Variants in BICRA observed in about 807,000 individuals in gnomAD.
The protein encoded by BICRA is BRD4-interacting chromatin-remodeling complex-associated protein.
Under a neutral mutation model 96.9 loss-of-function variants are expected in BICRA, and 31 were observed. The ratio of observed to expected loss-of-function variants is 0.32; its 90% CI spans 0.24 to 0.43. The LOEUF is 0.43. Among genes scored for constraint, BICRA ranks in the 20% least tolerant of loss-of-function variants. The probability of loss-of-function intolerance (pLI) is 1.00; values close to 1 mark genes in which losing one functional copy is unlikely to be tolerated. For missense variants in BICRA, 2,283 were observed against 2,190.3 expected, an observed-to-expected ratio of 1.04 and a Z score of -0.84; for synonymous variants, 1,350 against 1,071.8, an observed-to-expected ratio of 1.26 and a Z score of -5.07.
chr19:47,676,643 G>A (rs1384139803), intron 5 of BICRA, among the ~76,000 whole-genome samples: 3 of 141,140 alleles, frequency 2.1e-5, no homozygotes, highest in East Asian at 2.2e-4. Context: ...ATCAGAACAC[G>A]CATTCACCAA....
chr19:47,697,678 A>T (rs1469509356), intron 11 of BICRA, among the ~76,000 whole-genome samples: 1 of 151,770 alleles, frequency 6.6e-6, no homozygotes, highest in Non-Finnish European at 1.5e-5. Flanking sequence ...GGGTTTCATT[A>T]TGTTGGCCAG....
chr19:47,682,587 T>G (rs1296842770), intron 7 of BICRA, among the ~76,000 whole-genome samples: 1 of 152,068 alleles, frequency 6.6e-6, no homozygotes, highest in Non-Finnish European at 1.5e-5. Flanking sequence ...CCTTCAATTT[T>G]TACAAAAAGG....
chr19:47,658,322 TG>T (rs2123557786), intron 1 of BICRA, among the ~76,000 whole-genome samples: 1 of 152,224 alleles, frequency 6.6e-6, no homozygotes, highest in African/African-American at 2.4e-5. Flanking sequence ...GTCAGGGGCC[TG>T]GACCTTGACC....
In BICRA at chr19:47,694,187, G is replaced by A; in HGVS notation, c.2356G>A (p.Gly786Arg). 6.7e-7 allele frequency: 1 copy of A among 1,499,418 alleles called. No individual in the cohort carries two copies. Among genetic ancestry groups the A allele is most frequent in the East Asian group, 2.5e-5 (1 of 40,082 alleles). 92.9% of individuals were successfully genotyped at this position (1,499,418 alleles called of 1,614,324 possible). A position where few individuals can be genotyped will look rare whatever the true frequency, so the allele number is the denominator to read the frequency against. Reference protein sequence around the residue: ...SPSLPHQAPLGDSPHLPSPHP... With the variant: ...SPSLPHQAPLRDSPHLPSPHP... The stretch of plus-strand genomic sequence containing the variant: ...GTCACTACCTCACCAGGCCCCTCTG[G>A]GGGACAGCCCCCACCTGCCCTCCCC... Residue 786 changes from glycine to arginine, a missense_variant, in exon 8 of 15, where the codon GGG (glycine) becomes AGG (arginine). Transcript: ENST00000594866.
At chr19:47,643,748 A>G (rs1470605295) in intron 1 of BICRA, among the ~76,000 whole-genome samples, 3 of 152,184 alleles carry the variant, frequency 2.0e-5, no homozygotes, top group African/African-American at 4.8e-5. Context: ...CTCTGGACTC[A>G]CGAAATCCTG....
At position 47,701,871 on chromosome 19, in the gene BICRA, C is replaced by T; in HGVS notation, c.4139C>T (p.Pro1380Leu). The change falls in exon 15 of 15, where the codon CCG (proline) becomes CTG (leucine). Residue 1380 changes from proline (P) to leucine (L), a missense_variant. Transcript: ENST00000594866. The surrounding 1 kb of genome is among the most constrained non-coding windows in gnomAD (Gnocchi z 5.4). ...GAGCGCAAGCCCCTGGGCACCGCCCCGCACTGCCCGCGCCTGCCACTGCGC... is the reference window on the plus strand; with the variant it reads ...GAGCGCAAGCCCCTGGGCACCGCCCTGCACTGCCCGCGCCTGCCACTGCGC... ...APERKPLGTA[P>L]HCPRLPLRKT... is the part of the protein sequence containing the mutation. The T allele has an allele frequency of 6.8e-7, 1 of 1,478,824 alleles. No individual in the cohort carries two copies. The highest frequency in any genetic ancestry group is 8.9e-7 in the Non-Finnish European group (1 of 1,120,610). 91.6% of individuals were successfully genotyped at this position (1,478,824 alleles called of 1,614,324 possible).
chr19:47,682,219 C>T lies in BICRA; in HGVS notation c.2283+67C>T, dbSNP rs564300585. ...GCCTCGCCCCTCCTGCCCGCTCTCC[C>T]GCTCCTCGCTCTCCGCCCTGCCTGC... On this transcript the variant is annotated intron_variant, in intron 7 of 14. Coordinates refer to ENST00000594866, the MANE Select transcript of BICRA (RefSeq NM_001394372.1). 59 of 669,024 alleles carry T rather than the reference C, an allele frequency of 8.8e-5. No homozygotes were observed. In the Middle Eastern group the frequency reaches 1.3e-3, roughly 14 times the overall value. 41.4% of individuals were successfully genotyped at this position (669,024 alleles called of 1,614,324 possible). A position where few individuals can be genotyped will look rare whatever the true frequency, so the allele number is the denominator to read the frequency against.
chr19:47,680,020 G>A lies in BICRA; in HGVS notation c.850G>A (p.Gly284Arg). 1 of 1,518,594 alleles carries A rather than the reference G, an allele frequency of 6.6e-7. No individual in the cohort carries two copies. The allele number at this position is 1,518,594 out of a possible 1,614,324, so 94.1% of individuals were successfully genotyped here. A position where few individuals can be genotyped will look rare whatever the true frequency, so the allele number is the denominator to read the frequency against. Residue 284 changes from glycine (G) to arginine (R), a missense_variant, in exon 6 of 15, where the codon GGG (glycine) becomes AGG (arginine). By Grantham distance (125) the Gly-to-Arg change is moderately radical. Transcript: ENST00000594866. ...GGCGTCGGCCGGTGTCTCGCCACAG[G>A]GGGCTGGCCTGGTCATCCAGAAGAA... is the stretch of plus-strand genomic sequence containing the variant. ...TLASAGVSPQ[G>R]AGLVIQKNLS...
At chr19:47,617,473 C>A (rs756308271) in intron 1 of BICRA, among the ~76,000 whole-genome samples, 1 of 152,034 alleles carries the variant, frequency 6.6e-6, no homozygotes, top group Non-Finnish European at 1.5e-5. Context: ...CAGCAGTTCT[C>A]GTGCCTCAGT....
intron 1 of BICRA, among the ~76,000 whole-genome samples, chr19:47,620,665 C>G (rs1972050670): frequency 4.0e-5 from 1 of 24,972 alleles, no homozygotes; most frequent in South Asian, 1.1e-3. Context: ...GTGAGACTGT[C>G]TCAAAAAAAA....
chr19:47,698,586 T>TGCCCCCCCCC lies in BICRA; in HGVS notation c.3249-48_3249-47insGCCCCCCCCC. ...AGGGACTTCCCCTGGCCCTCACCCGTCCCCCCCACCCTCCGCCGTGTGTGG... is the reference window on the plus strand; with the variant it reads ...AGGGACTTCCCCTGGCCCTCACCCGTGCCCCCCCCCCCCCCCCACCCTCCGCCGTGTGTGG... On this transcript the variant is annotated intron_variant, in intron 11 of 14. Coordinates refer to ENST00000594866, the MANE Select transcript of BICRA (RefSeq NM_001394372.1). The surrounding 1 kb of genome is among the most constrained non-coding windows in gnomAD (Gnocchi z 4.8). 1.4e-6 allele frequency: 1 copy of TGCCCCCCCCC among 716,702 alleles called. No homozygotes were observed. The allele number at this position is 716,702 out of a possible 1,614,324, so 44.4% of individuals were successfully genotyped here. A position where few individuals can be genotyped will look rare whatever the true frequency, so the allele number is the denominator to read the frequency against.
In BICRA at chr19:47,701,109, C is replaced by G. The variant is rs978681262; in HGVS notation, c.3596-219C>G. ...TTTACTTATGTCTGAATGAGCCCCACGTGGCTCGTGGCGCTGTGCCAGGCA... is the reference window on the plus strand; with the variant it reads ...TTTACTTATGTCTGAATGAGCCCCAGGTGGCTCGTGGCGCTGTGCCAGGCA... On this transcript the variant is annotated intron_variant, in intron 14 of 14. Transcript: ENST00000594866. This position sits in a 1 kb window ranked among gnomAD's most constrained non-coding sequence, Gnocchi z 5.4. 15 of 577,150 alleles carry G rather than the reference C, an allele frequency of 2.6e-5. No homozygotes were observed. The highest frequency in any genetic ancestry group is 1.0e-4 in the Admixed American group (3 of 30,124). The allele number at this position is 577,150 out of a possible 1,614,324, so 35.8% of individuals were successfully genotyped here. A position where few individuals can be genotyped will look rare whatever the true frequency, so the allele number is the denominator to read the frequency against.
intron 1 of BICRA, among the ~76,000 whole-genome samples, chr19:47,666,097 G>A (rs1447703496): frequency 6.6e-6 from 1 of 152,152 alleles, no homozygotes; most frequent in East Asian, 1.9e-4. Context: ...TCCCATGGAG[G>A]ACGTAGTGTT....
rs781770548 is a variant in BICRA at position 47,680,047 on chromosome 19, C to T, written c.877C>T (p.Leu293Phe). Residue 293 changes from leucine to phenylalanine, a missense_variant, in exon 6 of 15, where the codon CTC (leucine) becomes TTC (phenylalanine). Leu to Phe is a conservative substitution (Grantham distance 22). Coordinates refer to ENST00000594866, the MANE Select transcript of BICRA (RefSeq NM_001394372.1). Reference sequence around the variant, plus strand: ...GGCTGGCCTGGTCATCCAGAAGAACCTCTCGGCCGCTGTGGCCACCACGCT... The same window carrying T: ...GGCTGGCCTGGTCATCCAGAAGAACTTCTCGGCCGCTGTGGCCACCACGCT... ...QGAGLVIQKNLSAAVATTLNG... is the reference protein window; with the variant it reads ...QGAGLVIQKNFSAAVATTLNG... 1.3e-6 allele frequency: 2 copies of T among 1,555,096 alleles called. No homozygotes were observed. Among genetic ancestry groups the T allele is most frequent in the East Asian group, 2.4e-5 (1 of 41,572 alleles).
chr19:47,667,717 C>T (rs539040462), intron 1 of BICRA, among the ~76,000 whole-genome samples: 1 of 152,324 alleles, frequency 6.6e-6, no homozygotes, highest in Admixed American at 6.5e-5. Context: ...CTTCCTCCTC[C>T]TTCCATGCCA....
At chr19:47,686,808 G>T (rs141663400) in intron 7 of BICRA, among the ~76,000 whole-genome samples, 15 of 152,282 alleles carry the variant, frequency 9.9e-5, no homozygotes, top group African/African-American at 2.6e-4. Flanking sequence ...CATCTGGGAA[G>T]ATTGCTGTGA....
rs772183425 is a variant in BICRA at position 47,696,539 on chromosome 19, C to T, written c.3248+27C>T. ...TGAGTCCACACCCCATCCTTGCATG[C>T]CTGCCCTGTACCTTCCAGAGACCTG... On this transcript the variant is annotated intron_variant, in intron 11 of 14. Coordinates refer to ENST00000594866, the MANE Select transcript of BICRA (RefSeq NM_001394372.1). The T allele has an allele frequency of 5.1e-6, 8 of 1,579,776 alleles. No individual in the cohort carries two copies. The East Asian group carries it at 1.9e-4, about 37-fold the overall frequency.
intron 1 of BICRA, among the ~76,000 whole-genome samples, chr19:47,635,442 A>AG (rs1173328295): frequency 6.6e-6 from 1 of 151,668 alleles, no homozygotes; most frequent in Admixed American, 6.6e-5. Flanking sequence ...TTGTAGAGAC[A>AG]GGGTCTCACT....
At position 47,611,990 on chromosome 19, in the gene BICRA, C is replaced by T. The variant is rs558709297; in HGVS notation, c.-108+2822C>T. Among the ~76,000 whole-genome samples the T allele has an allele frequency of 3.9e-5, 6 of 152,002 alleles. No individual in the cohort carries two copies. The East Asian group carries it at 9.7e-4, about 25-fold the overall frequency. On this transcript the variant is annotated intron_variant, in intron 1 of 14. Coordinates refer to ENST00000594866, the MANE Select transcript of BICRA (RefSeq NM_001394372.1). Reference sequence around the variant, plus strand: ...GGTTCAAGCGATTGTCCTGCCTCAGCGTCCCGAGTAGCTGGGATTACAGGC... The same window carrying T: ...GGTTCAAGCGATTGTCCTGCCTCAGTGTCCCGAGTAGCTGGGATTACAGGC...
Sources: allele counts gnomAD v4.1 joint callset (sites outside exome capture counted in the v4.1 genomes callset), GRCh38; gene constraint gnomAD v4.1.1; non-coding constraint Gnocchi (gnomAD v3.1); transcripts MANE v1.5; gene names NCBI Gene and HGNC (gene_info 2026-07-23, HGNC 2026-07-21).